Variants in ALDH1L1 observed in about 807,000 individuals in gnomAD.
The protein encoded by ALDH1L1 is cytosolic 10-formyltetrahydrofolate dehydrogenase.
Under a neutral mutation model 101.1 loss-of-function variants are expected in ALDH1L1, and 68 were observed. The observed-to-expected ratio is 0.67, with a 90% CI of 0.55 to 0.82. ALDH1L1 has a LOEUF of 0.82. ALDH1L1 is among the 40% of genes least tolerant of loss of function. The pLI, the probability that ALDH1L1 is intolerant of heterozygous loss-of-function variation, is 0.00. For missense variants in ALDH1L1, 1,087 were observed against 1,172.7 expected, an observed-to-expected ratio of 0.93 and a Z score of 1.07; for synonymous variants, 486 against 470.8, an observed-to-expected ratio of 1.03 and a Z score of -0.42.
intron 19 of ALDH1L1, among the ~76,000 whole-genome samples, chr3:126,112,392 A>G (rs1946107750): frequency 6.6e-6 from 1 of 152,146 alleles, no homozygotes; most frequent in African/African-American, 2.4e-5. Flanking sequence ...GGTCAGGCCC[A>G]GGCTGACCTG....
At chr3:126,154,667 C>T in intron 5 of ALDH1L1, 24 bp from the exon 6 acceptor site, 10 of 1,607,878 alleles carry the variant, frequency 6.2e-6, no homozygotes, top group Non-Finnish European at 7.7e-6. Context: ...GGTGTGTGTG[C>T]TCAGCTGGTC....
At chr3:126,112,723 C>A in intron 19 of ALDH1L1, 59 bp downstream of exon 19, 1 of 1,507,360 alleles carries the variant, frequency 6.6e-7, no homozygotes, top group South Asian at 1.1e-5. Flanking sequence ...CAACCCCCTC[C>A]AGCCAGGCGC....
intron 14 of ALDH1L1, among the ~76,000 whole-genome samples, chr3:126,126,856 C>T (rs1394317352): frequency 6.6e-6 from 1 of 152,146 alleles, no homozygotes; most frequent in Admixed American, 6.5e-5. Flanking sequence ...CTGGGGTGGG[C>T]GGGCCCCTAA....
chr3:126,120,351 CA>C (rs1191092660), intron 16 of ALDH1L1, among the ~76,000 whole-genome samples: 2 of 133,034 alleles, frequency 1.5e-5, no homozygotes, highest in Non-Finnish European at 3.3e-5. Flanking sequence ...AAATACATAT[CA>C]CTAAGTGAAA....
rs1187849574 is a variant in ALDH1L1 at position 126,131,241 on chromosome 3, A to G, written c.1623+143T>C. ...TGGAATTCCCACCTGCAGGACCACA[A>G]GCTAATAAACAGGTGTCATTCCAAG... On this transcript the variant is annotated intron_variant, in intron 13 of 22. Transcript: ENST00000393434. The G allele has an allele frequency of 2.7e-6, 3 of 1,113,412 alleles. No homozygotes were observed. The East Asian group carries it at 7.9e-5, about 29-fold the overall frequency. 69.0% of individuals were successfully genotyped at this position (1,113,412 alleles called of 1,614,324 possible). A position where few individuals can be genotyped will look rare whatever the true frequency, so the allele number is the denominator to read the frequency against.
chr3:126,137,004 G>A, intron 10 of ALDH1L1, 121 bp from the exon 11 acceptor site: 2 of 1,390,798 alleles, frequency 1.4e-6, no homozygotes, highest in South Asian at 2.8e-5. Flanking sequence ...AGAGCTGCAT[G>A]TAGGCAACAG....
At chr3:126,162,417 A>C (rs2081078622) in intron 1 of ALDH1L1, among the ~76,000 whole-genome samples, 1 of 152,164 alleles carries the variant, frequency 6.6e-6, no homozygotes. Flanking sequence ...TTCCCTGATG[A>C]CCAATGAAGT....
intron 9 of ALDH1L1, among the ~76,000 whole-genome samples, chr3:126,138,916 G>A (rs2080509565): frequency 6.6e-6 from 1 of 152,222 alleles, no homozygotes; most frequent in African/African-American, 2.4e-5. Context: ...AATGCTTTCA[G>A]CACCAAGGAG....
intron 9 of ALDH1L1, among the ~76,000 whole-genome samples, chr3:126,141,106 T>A (rs902541915): frequency 1.3e-5 from 2 of 152,022 alleles, no homozygotes; most frequent in East Asian, 3.8e-4. Flanking sequence ...AGAGAAAATA[T>A]TCCATGCAAA....
rs1390886175 is a variant in ALDH1L1, at chr3:126,109,943, C to T, written c.2347+1G>A. On this transcript the variant is annotated splice_donor_variant, in intron 20 of 22. Transcript: ENST00000393434. LOFTEE classifies it high-confidence loss of function. ...AGCGGACCTGACACACTCTGACTCA[C>T]CTGGCCGAGGGACCTGATTCCCGCC... The T allele has an allele frequency of 1.2e-6, 2 of 1,613,620 alleles. No individual in the cohort carries two copies. The highest frequency in any genetic ancestry group is 3.3e-5 in the Admixed American group (2 of 60,000).
At chr3:126,155,914 T>A (rs917952595) in intron 4 of ALDH1L1, 1 of 153,526 alleles carries the variant, frequency 6.5e-6, no homozygotes, top group African/African-American at 2.4e-5. Flanking sequence ...AAGCAGGAAG[T>A]TGTTTCTCTG....
intron 1 of ALDH1L1, among the ~76,000 whole-genome samples, chr3:126,178,616 C>G (rs1300638620): frequency 6.6e-6 from 1 of 152,044 alleles, no homozygotes; most frequent in Non-Finnish European, 1.5e-5. Context: ...AAAATAAATA[C>G]TTGAAAATCA....
chr3:126,113,949 G>A (rs1946159608), intron 18 of ALDH1L1, among the ~76,000 whole-genome samples: 1 of 152,216 alleles, frequency 6.6e-6, no homozygotes, highest in Admixed American at 6.5e-5. Flanking sequence ...ACAGGTGGGA[G>A]CACAGACGCC....
intron 17 of ALDH1L1, among the ~76,000 whole-genome samples, chr3:126,115,678 G>T (rs570585412): frequency 6.6e-6 from 1 of 152,016 alleles, no homozygotes; most frequent in Non-Finnish European, 1.5e-5. Context: ...GGGTTCAAGC[G>T]ATTCTTCTAC....
At chr3:126,179,024 C>G (rs1334060713) in intron 1 of ALDH1L1, among the ~76,000 whole-genome samples, 2 of 152,130 alleles carry the variant, frequency 1.3e-5, no homozygotes, top group Non-Finnish European at 1.5e-5. Flanking sequence ...TGTCACAGTC[C>G]AGGGAAAGCC....
At chr3:126,144,245 A>G (rs2080626603) in intron 9 of ALDH1L1, among the ~76,000 whole-genome samples, 1 of 152,258 alleles carries the variant, frequency 6.6e-6, no homozygotes, top group African/African-American at 2.4e-5. Context: ...ATCTGTGTTC[A>G]TGGACTGGAG....
At chr3:126,119,563 T>C (rs1196290140) in intron 16 of ALDH1L1, among the ~76,000 whole-genome samples, 1 of 152,150 alleles carries the variant, frequency 6.6e-6, no homozygotes, top group Non-Finnish European at 1.5e-5. Context: ...AAAATTCACA[T>C]GCCCAGGCAC....
chr3:126,181,497 T>C (rs575847505), upstream of ALDH1L1: 1 of 183,058 alleles, frequency 5.5e-6, no homozygotes, highest in Non-Finnish European at 1.2e-5. Flanking sequence ...TTTCAGAGCC[T>C]GCTCCCATAT....
intron 4 of ALDH1L1, 65 bp downstream of exon 4, chr3:126,157,278 G>A (rs2108294163): frequency 6.5e-7 from 1 of 1,542,838 alleles, no homozygotes; most frequent in African/African-American, 1.4e-5. Flanking sequence ...CGGTGGGCTG[G>A]GTCTAGGGAG....
Sources: gnomAD v4.1 joint callset for allele counts (sites outside exome capture counted in the v4.1 genomes callset) on GRCh38, gnomAD v4.1.1 for gene constraint, MANE v1.5 for transcripts, NCBI Gene and HGNC (gene_info 2026-07-23, HGNC 2026-07-21) for gene names.